Variants in EHBP1 observed in about 807,000 individuals in gnomAD.
EHBP1 encodes EH domain-binding protein 1.
A neutral mutation model predicts 144.0 loss-of-function variants in EHBP1; 55 were observed. The observed-to-expected ratio is 0.38, with a 90% CI of 0.31 to 0.48. EHBP1 has a LOEUF of 0.48. EHBP1 is among the 20% of genes least tolerant of loss of function. The pLI, the probability that EHBP1 is intolerant of heterozygous loss-of-function variation, is 0.98. For synonymous variants in EHBP1, 469 were observed against 472.7 expected, an observed-to-expected ratio of 0.99 and a Z score of 0.10; for missense variants, 1,200 against 1,364.2, an observed-to-expected ratio of 0.88 and a Z score of 1.90.
chr2:62,814,195 C>A (rs1241892997), intron 5 of EHBP1, among the ~76,000 whole-genome samples: 1 of 152,190 alleles, frequency 6.6e-6, no homozygotes, highest in Non-Finnish European at 1.5e-5. Context: ...GAGTCCTCTG[C>A]CTTTATGAAT....
chr2:62,826,361 C>T lies in EHBP1; in HGVS notation c.494+93C>T, dbSNP rs905004845. 4.3e-6 allele frequency: 5 copies of T among 1,153,278 alleles called. No homozygotes were observed. In the African/African-American group the frequency reaches 4.8e-5, roughly 11 times the overall value. The allele number at this position is 1,153,278 out of a possible 1,614,324, so 71.4% of individuals were successfully genotyped here. On this transcript the variant is annotated intron_variant, in intron 6 of 22. Transcript: ENST00000431489. ...AGACTGGCAATAGTTGAACATCTTA[C>T]AGCATACCAATCATTTTTGCCATTC...
upstream of EHBP1, among the ~76,000 whole-genome samples, chr2:62,704,384 A>G (rs1476508066): frequency 2.6e-5 from 4 of 152,226 alleles, no homozygotes; most frequent in East Asian, 7.7e-4. Context: ...TTGGCCCCCA[A>G]TGTCTACAGA....
intron 9 of EHBP1, chr2:62,871,942 T>A (rs2050523931): frequency 6.6e-6 from 1 of 152,318 alleles, no homozygotes; most frequent in Non-Finnish European, 1.5e-5. Context: ...TCAGAACTTT[T>A]ATGAAGTGAC....
At chr2:62,968,718 A>G (rs961287641) in intron 14 of EHBP1, among the ~76,000 whole-genome samples, 1 of 152,150 alleles carries the variant, frequency 6.6e-6, no homozygotes, top group Admixed American at 6.5e-5. Flanking sequence ...TTTGCTGAGA[A>G]AGATGTATTT....
intron 2 of EHBP1, among the ~76,000 whole-genome samples, chr2:62,709,653 G>A (rs2034943377): frequency 1.3e-5 from 2 of 151,972 alleles, no homozygotes; most frequent in African/African-American, 4.8e-5. Flanking sequence ...TTTTAGGGAT[G>A]GCCATTATGG....
At chr2:62,803,697 T>C (rs948166428) in intron 5 of EHBP1, among the ~76,000 whole-genome samples, 4 of 152,374 alleles carry the variant, frequency 2.6e-5, no homozygotes, top group African/African-American at 9.6e-5. Flanking sequence ...ATACATTGCT[T>C]GTTATATATC....
intron 2 of EHBP1, among the ~76,000 whole-genome samples, chr2:62,710,088 A>G (rs187696850): frequency 7.9e-5 from 12 of 152,098 alleles, no homozygotes; most frequent in African/African-American, 2.7e-4. Context: ...TGAGTTTGAA[A>G]GAGACTGTAC....
intron 7 of EHBP1, among the ~76,000 whole-genome samples, chr2:62,834,367 T>C (rs896862573): frequency 6.6e-6 from 1 of 152,216 alleles, no homozygotes; most frequent in Non-Finnish European, 1.5e-5. Context: ...TGTTGTTGTC[T>C]TGTTTAGGAA....
chr2:62,750,016 TG>T (rs1424198949), intron 3 of EHBP1, among the ~76,000 whole-genome samples: 1 of 152,240 alleles, frequency 6.6e-6, no homozygotes, highest in Non-Finnish European at 1.5e-5. Flanking sequence ...TTTTGTCTTT[TG>T]TTGCCATTGC....
At chr2:62,756,902 A>G (rs2040342260) in intron 3 of EHBP1, among the ~76,000 whole-genome samples, 1 of 152,170 alleles carries the variant, frequency 6.6e-6, no homozygotes, top group Non-Finnish European at 1.5e-5. Flanking sequence ...TAAGCAACTG[A>G]AAAAGAAATC....
At chr2:62,856,609 G>A (rs1028610943) in intron 7 of EHBP1, among the ~76,000 whole-genome samples, 4 of 152,218 alleles carry the variant, frequency 2.6e-5, no homozygotes, top group Non-Finnish European at 5.9e-5. Flanking sequence ...GGCCAAGTGG[G>A]TGGAATGAGT....
chr2:62,751,981 C>T (rs2039777295), intron 3 of EHBP1, among the ~76,000 whole-genome samples: 1 of 151,280 alleles, frequency 6.6e-6, no homozygotes, highest in Admixed American at 6.6e-5. Flanking sequence ...GTCTCTATCT[C>T]CTTCAGTTCT....
At chr2:62,790,913 G>A (rs542865489) in intron 5 of EHBP1, among the ~76,000 whole-genome samples, 1 of 151,906 alleles carries the variant, frequency 6.6e-6, no homozygotes, top group East Asian at 1.9e-4. Context: ...TAATATTTTT[G>A]TTGTTTTAAG....
intron 4 of EHBP1, among the ~76,000 whole-genome samples, chr2:62,769,814 AAAG>A (rs71410962): frequency 0.093 from 13,960 of 149,356 alleles, 846 homozygotes; most frequent in Admixed American, 0.16. Flanking sequence ...AAAAAAAAAA[AAAG>A]CAGGCATGTA....
At chr2:62,758,862 A>G (rs1208093177) in intron 3 of EHBP1, among the ~76,000 whole-genome samples, 2 of 152,228 alleles carry the variant, frequency 1.3e-5, no homozygotes, top group Non-Finnish European at 2.9e-5. Context: ...GACAACTCTA[A>G]GATGACTTTA....
intron 5 of EHBP1, among the ~76,000 whole-genome samples, chr2:62,788,060 T>C (rs529429713): frequency 6.6e-6 from 1 of 152,318 alleles, no homozygotes; most frequent in African/African-American, 2.4e-5. Context: ...GACAGTTTAT[T>C]TTTAATGCCA....
rs1559034091 is a variant in EHBP1, at chr2:62,990,727, A to G, written c.2620A>G (p.Lys874Glu). Reference sequence around the variant, plus strand: ...TGCATATTTAACAGAACAAAACAGTAAGTTGGTGGACTTGAAGCTGAAGAA... The same window carrying G: ...TGCATATTTAACAGAACAAAACAGTGAGTTGGTGGACTTGAAGCTGAAGAA... ...RSKASGEQNS[K>E]LVDLKLKKLL... Residue 874 changes from lysine to glutamate, a missense_variant, in exon 16 of 23, where the codon AAG becomes GAG. Transcript: ENST00000431489. The G allele has an allele frequency of 6.2e-7, 1 of 1,613,796 alleles. No homozygotes were observed. Among genetic ancestry groups the G allele is most frequent in the Non-Finnish European group, 8.5e-7 (1 of 1,179,792 alleles).
At chr2:63,031,760 G>A (rs1013404078) in intron 19 of EHBP1, among the ~76,000 whole-genome samples, 10 of 151,962 alleles carry the variant, frequency 6.6e-5, no homozygotes, top group African/African-American at 7.3e-5. Context: ...GAAACCCCAC[G>A]TCTACTGAAA....
chr2:62,880,671 T>C (rs953966278), intron 10 of EHBP1, among the ~76,000 whole-genome samples: 8 of 152,104 alleles, frequency 5.3e-5, no homozygotes, highest in African/African-American at 1.9e-4. Context: ...ATCAGTAATC[T>C]TTTGAGAGAT....
Sources: gnomAD v4.1 joint callset for allele counts (sites outside exome capture counted in the v4.1 genomes callset) on GRCh38, gnomAD v4.1.1 for gene constraint, MANE v1.5 for transcripts, NCBI Gene and HGNC (gene_info 2026-07-23, HGNC 2026-07-21) for gene names.